MICU3: variants seen among roughly 807,000 people sequenced by gnomAD.
The protein encoded by MICU3 is mitochondrial calcium uptake 3.
MICU3 carries 62 observed loss-of-function variants against 66.5 expected under a neutral mutation model. The observed-to-expected ratio is 0.93, with a 90% CI of 0.76 to 1.15. The LOEUF is 1.15. Among genes scored for constraint, MICU3 ranks in the 50% most tolerant of loss-of-function variants. MICU3 has a pLI of 0.00. For missense variants in MICU3, 779 were observed against 664.4 expected (o/e 1.17, Z -1.90); for synonymous variants, 308 against 240.7 (o/e 1.28, Z -2.59).
rs540076192 is a variant in MICU3 at position 17,027,470 on chromosome 8, G to T, written c.191G>T (p.Trp64Leu). ...GCGGCATGGAGGCGGCGGCGGCGCT[G>T]GGGGGAGCTGAGCGTGGCGGCGGCG... ...AEAAWRRRRRWGELSVAAAAG... is the reference protein window; with the variant it reads ...AEAAWRRRRRLGELSVAAAAG... Residue 64 changes from tryptophan (W) to leucine (L), a missense_variant, in exon 1 of 15, where the codon TGG becomes TTG. Transcript: ENST00000318063. 17 of 1,289,842 alleles carry T rather than the reference G, an allele frequency of 1.3e-5. 1 individual carries two copies. Among genetic ancestry groups the T allele is most frequent in the Admixed American group, 4.2e-5 (1 of 23,976 alleles). 79.9% of individuals were successfully genotyped at this position (1,289,842 alleles called of 1,614,324 possible).
intron 1 of MICU3, among the ~76,000 whole-genome samples, chr8:17,033,328 C>T (rs1812408193): frequency 6.6e-6 from 1 of 152,290 alleles, no homozygotes; most frequent in South Asian, 2.1e-4. Context: ...TATAAGGAGA[C>T]AAAACAGCCT....
chr8:17,126,480 C>G (rs1803407867), downstream of MICU3, among the ~76,000 whole-genome samples: 1 of 152,080 alleles, frequency 6.6e-6, no homozygotes, highest in Non-Finnish European at 1.5e-5. Context: ...ATATTTAACT[C>G]CATAGTTACA....
At chr8:17,064,258 A>G (rs1818334477) in intron 2 of MICU3, 21 bp downstream of exon 2, 1 of 1,578,612 alleles carries the variant, frequency 6.3e-7, no homozygotes, top group Non-Finnish European at 8.6e-7. Flanking sequence ...TTTTGAAATT[A>G]TCTTAATAAT....
At chr8:17,035,631 G>T (rs1812843067) in intron 1 of MICU3, among the ~76,000 whole-genome samples, 1 of 152,172 alleles carries the variant, frequency 6.6e-6, no homozygotes, top group African/African-American at 2.4e-5. Flanking sequence ...GCTATCTGTT[G>T]GAAGAAATCT....
chr8:17,070,495 A>T (rs1819394533), intron 3 of MICU3, among the ~76,000 whole-genome samples: 1 of 152,134 alleles, frequency 6.6e-6, no homozygotes, highest in Non-Finnish European at 1.5e-5. Context: ...TCAAGAAAGT[A>T]TTCATCTTCA....
At chr8:17,056,749 C>G (rs1176457071) in intron 1 of MICU3, among the ~76,000 whole-genome samples, 1 of 152,210 alleles carries the variant, frequency 6.6e-6, no homozygotes, top group African/African-American at 2.4e-5. Flanking sequence ...GTGGAGCAGT[C>G]AGTAGCTTAT....
chr8:17,079,795 A>C (rs1820901816), intron 4 of MICU3, among the ~76,000 whole-genome samples: 1 of 152,112 alleles, frequency 6.6e-6, no homozygotes, highest in African/African-American at 2.4e-5. Context: ...ATGCCTGGCT[A>C]AAGACTAATT....
At chr8:17,110,738 G>T (rs970855699) in intron 11 of MICU3, among the ~76,000 whole-genome samples, 10 of 146,304 alleles carry the variant, frequency 6.8e-5, no homozygotes, top group African/African-American at 2.0e-4. Flanking sequence ...AATTTTTTTG[G>T]GGAGGGGGGG....
chr8:17,041,930 A>T (rs1345039255), intron 1 of MICU3, among the ~76,000 whole-genome samples: 1 of 152,192 alleles, frequency 6.6e-6, no homozygotes, highest in East Asian at 1.9e-4. Flanking sequence ...AGTAACTATG[A>T]TAGAGGTTTG....
At chr8:17,133,411 A>G in the MICU3 span, among the ~76,000 whole-genome samples, 1 of 151,970 alleles carries the variant, frequency 6.6e-6, no homozygotes, top group Non-Finnish European at 1.5e-5. Context: ...CTGTTCATTC[A>G]CTTTCTTTGT....
chr8:17,041,353 T>G (rs1272565881), intron 1 of MICU3, among the ~76,000 whole-genome samples: 3 of 151,940 alleles, frequency 2.0e-5, no homozygotes, highest in Non-Finnish European at 4.4e-5. Flanking sequence ...TCAGTTATAC[T>G]GAAAGCTATC....
At chr8:17,043,190 C>T (rs1021830801) in intron 1 of MICU3, among the ~76,000 whole-genome samples, 7 of 151,940 alleles carry the variant, frequency 4.6e-5, no homozygotes, top group Non-Finnish European at 7.4e-5. Flanking sequence ...CCGCCCGCCT[C>T]GGCCTCCCAA....
chr8:17,136,447 G>C, the MICU3 span, among the ~76,000 whole-genome samples: 1 of 152,052 alleles, frequency 6.6e-6, no homozygotes, highest in Non-Finnish European at 1.5e-5. Context: ...CATGTCAGAA[G>C]GGCTCCACAT....
At chr8:17,107,922 G>C (rs545831490) in intron 11 of MICU3, among the ~76,000 whole-genome samples, 1 of 152,270 alleles carries the variant, frequency 6.6e-6, no homozygotes, top group East Asian at 1.9e-4. Flanking sequence ...AGGTGGCCTG[G>C]CTTTGAAAGG....
intron 11 of MICU3, among the ~76,000 whole-genome samples, chr8:17,113,233 A>T (rs1802368227): frequency 1.3e-5 from 2 of 152,236 alleles, no homozygotes; most frequent in South Asian, 4.2e-4. Flanking sequence ...CCCTTGTATT[A>T]AGTAAGAATT....
At chr8:17,061,717 A>G (rs1817852713) in intron 1 of MICU3, among the ~76,000 whole-genome samples, 1 of 152,166 alleles carries the variant, frequency 6.6e-6, no homozygotes, top group Admixed American at 6.5e-5. Flanking sequence ...AGAAAAAAGT[A>G]GAAAAGTAAA....
At chr8:17,051,671 T>C (rs1816107024) in intron 1 of MICU3, among the ~76,000 whole-genome samples, 1 of 152,134 alleles carries the variant, frequency 6.6e-6, no homozygotes, top group African/African-American at 2.4e-5. Flanking sequence ...ACCAACTGTG[T>C]CAAATGCTAT....
rs117024524 is a variant in MICU3, at chr8:17,035,027, C to T, written c.381+7367C>T. Among the ~76,000 whole-genome samples the T allele has an allele frequency of 9.3e-3, 1,413 of 152,236 alleles. 8 individuals are homozygous for T. The highest frequency in any genetic ancestry group is 0.013 in the Admixed American group (193 of 15,302). ...GAATCATGGGGGCTGGTTTTTCCCA[C>T]GCTGTCATCATGATAGTGAATAAGT... is the stretch of plus-strand genomic sequence containing the variant. On this transcript the variant is annotated intron_variant, in intron 1 of 14. Coordinates refer to ENST00000318063, the MANE Select transcript of MICU3 (RefSeq NM_181723.3).
At chr8:17,135,388 A>ACT in the MICU3 span, among the ~76,000 whole-genome samples, 34 of 151,104 alleles carry the variant, frequency 2.3e-4, no homozygotes, top group Admixed American at 2.2e-3. Flanking sequence ...GCAGAGCAAG[A>ACT]CTGTCTCAAA....
Sources: allele counts gnomAD v4.1 joint callset (sites outside exome capture counted in the v4.1 genomes callset), GRCh38; gene constraint gnomAD v4.1.1; transcripts MANE v1.5; gene names NCBI Gene and HGNC (gene_info 2026-07-23, HGNC 2026-07-21).